The following PTPRD variants were observed in gnomAD, a reference collection of about 807,000 sequenced individuals.
PTPRD encodes protein tyrosine phosphatase receptor type D, also known as receptor-type tyrosine-protein phosphatase delta.
Under a neutral mutation model 214.5 loss-of-function variants are expected in PTPRD, and 34 were observed. The observed-to-expected ratio is 0.16, with a 90% CI of 0.12 to 0.21. PTPRD has a LOEUF of 0.21. PTPRD is among the 10% of genes least tolerant of loss of function. PTPRD has a pLI of 1.00. For missense variants in PTPRD, 2,545 were observed against 2,398.7 expected (o/e 1.06, Z -1.27); for synonymous variants, 1,128 against 845.7 (o/e 1.33, Z -5.79).
chr9:9,092,214 T>C (rs953172262), intron 10 of PTPRD, among the ~76,000 whole-genome samples: 18 of 152,166 alleles, frequency 1.2e-4, no homozygotes, highest in Admixed American at 2.6e-4. Context: ...TATTGTCTAT[T>C]ATAGGGCAAA....
At position 8,454,693 on chromosome 9, in the gene PTPRD, T is replaced by C; in HGVS notation, c.3876-4856A>G. 2.3e-6 allele frequency: 3 copies of C among 1,321,424 alleles called. No individual in the cohort carries two copies. In the Admixed American group the frequency reaches 5.6e-5, roughly 25 times the overall value. The allele number at this position is 1,321,424 out of a possible 1,614,324, so 81.9% of individuals were successfully genotyped here. A position where few individuals can be genotyped will look rare whatever the true frequency, so the allele number is the denominator to read the frequency against. ...ATGACAACCAAGATTTAAGAAATAG[T>C]GTTCACAAGCAAGGACACATAACTG... On this transcript the variant is annotated intron_variant, in intron 33 of 45. Transcript: ENST00000381196.
intron 35 of PTPRD, among the ~76,000 whole-genome samples, chr9:8,433,248 T>G (rs1006293887): frequency 2.0e-5 from 3 of 152,226 alleles, no homozygotes; most frequent in African/African-American, 7.2e-5. Flanking sequence ...TGCAGAGATG[T>G]TGGTGTAATT....
At chr9:10,247,372 C>T (rs1357948108) in intron 3 of PTPRD, among the ~76,000 whole-genome samples, 2 of 152,108 alleles carry the variant, frequency 1.3e-5, no homozygotes, top group Non-Finnish European at 2.9e-5. Context: ...AAGAAGATCC[C>T]TATTAAAGCT....
rs188588523 is a variant in PTPRD, at chr9:8,967,022, G to T, written c.-104+51675C>A. Among the ~76,000 whole-genome samples, 436 of 151,936 alleles carry T rather than the reference G, an allele frequency of 2.9e-3. 2 individuals carry two copies. Among genetic ancestry groups the T allele is most frequent in the Non-Finnish European group, 3.0e-3 (206 of 67,950 alleles). ...ACACTTCTTAAAAGAAGACACACAG[G>T]TGGCCAATAAACACATAAAAAAATG... On this transcript the variant is annotated intron_variant, in intron 11 of 45. Coordinates refer to ENST00000381196, the MANE Select transcript of PTPRD (RefSeq NM_002839.4).
chr9:8,779,736 C>T (rs1244050379), intron 11 of PTPRD, among the ~76,000 whole-genome samples: 1 of 151,444 alleles, frequency 6.6e-6, no homozygotes, highest in Non-Finnish European at 1.5e-5. Context: ...TCAGCCAAAT[C>T]GTGGGGTTTT....
In PTPRD at chr9:8,502,152, T is replaced by C. The variant is rs111347617; in HGVS notation, c.1823-1093A>G. Among the ~76,000 whole-genome samples the C allele has an allele frequency of 2.0e-3, 299 of 152,242 alleles. 4 individuals are homozygous for C. Among genetic ancestry groups the C allele is most frequent in the African/African-American group, 6.4e-3 (265 of 41,562 alleles). ...CATTTTCCATCAAATTAACCAAGCA[T>C]TATGATTTTAAAAAATTAAAAATCA... On this transcript the variant is annotated intron_variant, in intron 23 of 45. Coordinates refer to ENST00000381196, the MANE Select transcript of PTPRD (RefSeq NM_002839.4).
intron 3 of PTPRD, among the ~76,000 whole-genome samples, chr9:10,191,412 G>A (rs2099363034): frequency 6.6e-6 from 1 of 151,962 alleles, no homozygotes. Flanking sequence ...AGAAATTAAA[G>A]GGTTCCTGGA....
At chr9:9,154,960 G>A (rs907920254) in intron 10 of PTPRD, among the ~76,000 whole-genome samples, 2 of 152,152 alleles carry the variant, frequency 1.3e-5, no homozygotes, top group Non-Finnish European at 2.9e-5. Flanking sequence ...TGTCTTGTGT[G>A]CTTGTGTCTG....
intron 8 of PTPRD, among the ~76,000 whole-genome samples, chr9:9,547,306 G>A (rs528729681): frequency 6.6e-6 from 1 of 152,134 alleles, no homozygotes; most frequent in East Asian, 1.9e-4. Flanking sequence ...ACTACAGTGT[G>A]CATATTCCAT....
intron 9 of PTPRD, among the ~76,000 whole-genome samples, chr9:9,321,591 A>G (rs967729689): frequency 1.3e-5 from 2 of 152,078 alleles, no homozygotes; most frequent in African/African-American, 2.4e-5. Context: ...TTAAAATGCC[A>G]TGTATGCATA....
chr9:9,201,024 C>T (rs1250349726), intron 9 of PTPRD, among the ~76,000 whole-genome samples: 3 of 152,156 alleles, frequency 2.0e-5, no homozygotes, highest in African/African-American at 7.2e-5. Flanking sequence ...GTTAGAATAG[C>T]AGGACTATTA....
chr9:8,542,455 C>T (rs959948768), intron 14 of PTPRD, among the ~76,000 whole-genome samples: 2 of 152,052 alleles, frequency 1.3e-5, no homozygotes, highest in Non-Finnish European at 2.9e-5. Flanking sequence ...GTCAATTTTA[C>T]AAGGGTTGGT....
intron 24 of PTPRD, 85 bp downstream of exon 24, chr9:8,500,669 A>G: frequency 7.1e-7 from 1 of 1,404,184 alleles, no homozygotes; most frequent in South Asian, 1.4e-5. Flanking sequence ...TGAGCAGAGA[A>G]AAAAGATTAC....
intron 35 of PTPRD, 138 bp from the exon 36 acceptor site, chr9:8,404,798 A>G (rs1589612784): frequency 9.3e-7 from 1 of 1,072,588 alleles, no homozygotes; most frequent in Non-Finnish European, 1.3e-6. Flanking sequence ...CTAACTGTGA[A>G]GCTGAACACT....
intron 14 of PTPRD, among the ~76,000 whole-genome samples, chr9:8,556,558 A>ATATTTCTTTTTTTTTTTTTTTTT (rs1009884650): frequency 2.6e-5 from 4 of 152,136 alleles, no homozygotes; most frequent in African/African-American, 9.7e-5. Context: ...TGTGTATTTT[A>ATATTTCTTTTTTTTTTTTTTTTT]TATTTCTTTA....
chr9:9,107,610 G>C (rs1271230083), intron 10 of PTPRD, among the ~76,000 whole-genome samples: 1 of 152,138 alleles, frequency 6.6e-6, no homozygotes, highest in Non-Finnish European at 1.5e-5. Context: ...ATAAAAGGGA[G>C]GAAGTAGGTG....
Position 8,319,898 on chromosome 9 carries a change from C to G in PTPRD, c.5603G>C (p.Gly1868Ala), listed in dbSNP as rs867857327. Reference sequence around the variant, plus strand: ...GACAGTCTGGAAGATATCTACAACTCCTTCATATCTCATTCTTTCCAAAAC... The same window carrying G: ...GACAGTCTGGAAGATATCTACAACTGCTTCATATCTCATTCTTTCCAAAAC... ...SIVLERMRYE[G>A]VVDIFQTVKM... Residue 1868 changes from glycine to alanine, a missense_variant, in exon 45 of 46, where the codon GGA (glycine) becomes GCA (alanine). Transcript: ENST00000381196. 1 of 1,613,030 alleles carries G rather than the reference C, an allele frequency of 6.2e-7. No homozygotes were observed. Among genetic ancestry groups the G allele is most frequent in the Non-Finnish European group, 8.5e-7 (1 of 1,179,422 alleles).
intron 2 of PTPRD, among the ~76,000 whole-genome samples, chr9:10,606,723 TG>T (rs2079500478): frequency 6.6e-6 from 1 of 151,782 alleles, no homozygotes; most frequent in South Asian, 2.1e-4. Flanking sequence ...ATGTTACATG[TG>T]GGTAGTAGTA....
intron 11 of PTPRD, among the ~76,000 whole-genome samples, chr9:8,982,675 C>T (rs2099319188): frequency 6.6e-6 from 1 of 151,920 alleles, no homozygotes; most frequent in South Asian, 2.1e-4. Flanking sequence ...ATACTTCTAT[C>T]TCACCTATCT....
Sources: gnomAD v4.1 joint callset for allele counts (sites outside exome capture counted in the v4.1 genomes callset) on GRCh38, gnomAD v4.1.1 for gene constraint, MANE v1.5 for transcripts, NCBI Gene and HGNC (gene_info 2026-07-23, HGNC 2026-07-21) for gene names.